Variants in DHRSX observed in about 807,000 individuals in gnomAD.
The protein encoded by DHRSX is dehydrogenase/reductase X-linked, also known as polyprenol dehydrogenase.
Under a neutral mutation model 34.0 loss-of-function variants are expected in DHRSX, and 31 were observed. That is an observed-to-expected ratio of 0.91 (90% CI 0.69 to 1.23). The LOEUF (loss-of-function observed/expected upper bound fraction) is 1.23, where lower values mean the gene tolerates loss of function less well. Ranked by LOEUF, DHRSX falls within the 50% of genes most tolerant of loss-of-function variation. DHRSX has a pLI of 0.00. For missense variants in DHRSX, 414 were observed against 428.1 expected (o/e 0.97, Z 0.29); for synonymous variants, 201 against 183.8 (o/e 1.09, Z -0.76).
intron 1 of DHRSX, among the ~76,000 whole-genome samples, chrX:2,453,883 GT>G (rs2044260657): frequency 6.6e-6 from 1 of 152,008 alleles, no homozygotes; most frequent in Admixed American, 6.6e-5. Context: ...TAGCTTGATT[GT>G]TAATATGTTA....
intron 1 of DHRSX, among the ~76,000 whole-genome samples, chrX:2,448,904 C>G (rs1322132770): frequency 6.6e-6 from 1 of 152,092 alleles, no homozygotes; most frequent in Non-Finnish European, 1.5e-5. Flanking sequence ...TGTATCCACA[C>G]TGGGCCGGGC....
chrX:2,297,918 G>T lies in DHRSX; in HGVS notation c.287-6315C>A, dbSNP rs180762599. On this transcript the variant is annotated intron_variant, in intron 3 of 6. Transcript: ENST00000334651. ...TTACAGGCACCCGCCACCACGCCCGGCTTATTTTTGTATTTTTAGTAAAGA... is the reference window on the plus strand; with the variant it reads ...TTACAGGCACCCGCCACCACGCCCGTCTTATTTTTGTATTTTTAGTAAAGA... 3.4e-3 allele frequency among the ~76,000 whole-genome samples: 512 copies of T among 151,980 alleles called. 3 individuals carry two copies. Among genetic ancestry groups the T allele is most frequent in the Middle Eastern group, 0.02 (6 of 294 alleles).
At position 2,258,996 on chromosome X, in the gene DHRSX, C is replaced by T. The variant is rs1469628563; in HGVS notation, c.596+7744G>A. Among the ~76,000 whole-genome samples the T allele has an allele frequency of 1.2e-4, 18 of 152,212 alleles. No individual in the cohort carries two copies. In the East Asian group the frequency reaches 2.7e-3, roughly 23 times the overall value. ...TCTCGAAAAAATAGGGGGAAGTGGC[C>T]GGGCGCAGTGGCTCACGCCTGTAAT... On this transcript the variant is annotated intron_variant, in intron 5 of 6. Transcript: ENST00000334651.
At chrX:2,284,186 CT>C (rs2041774246) in intron 4 of DHRSX, among the ~76,000 whole-genome samples, 1 of 127,572 alleles carries the variant, frequency 7.8e-6, no homozygotes, top group Non-Finnish European at 1.9e-5. Context: ...TCATACATTC[CT>C]TTCAATTCAT....
chrX:2,224,967 CATTCACATGCACACTA>C (rs2015613124), intron 6 of DHRSX, among the ~76,000 whole-genome samples: 1 of 149,590 alleles, frequency 6.7e-6, no homozygotes, highest in Admixed American at 6.7e-5. Flanking sequence ...CACATGCTCA[CATTCACATGCACACTA>C]ATTCACATGC....
At chrX:2,297,304 G>A (rs2041946175) in intron 3 of DHRSX, among the ~76,000 whole-genome samples, 1 of 152,138 alleles carries the variant, frequency 6.6e-6, no homozygotes, top group Non-Finnish European at 1.5e-5. Flanking sequence ...TGTAGTTGTT[G>A]TAGAGATCGG....
intron 1 of DHRSX, among the ~76,000 whole-genome samples, chrX:2,454,460 T>C (rs765353732): frequency 1.3e-5 from 2 of 151,444 alleles, no homozygotes; most frequent in Non-Finnish European, 2.9e-5. Flanking sequence ...CCGGGAGATG[T>C]TGGCTGCAGT....
intron 4 of DHRSX, among the ~76,000 whole-genome samples, chrX:2,285,139 G>A (rs2041789407): frequency 6.6e-6 from 1 of 152,144 alleles, no homozygotes; most frequent in Admixed American, 6.5e-5. Flanking sequence ...GGTGGAATGT[G>A]GGGATGGTTT....
At chrX:2,471,472 C>CAGA (rs60977388) in intron 1 of DHRSX, among the ~76,000 whole-genome samples, 31,721 of 151,404 alleles carry the variant, frequency 0.21, 4,491 homozygotes, top group African/African-American at 0.4. Flanking sequence ...GAGACTGAGG[C>CAGA]AGAATTGCTC....
chrX:2,385,081 G>A lies in DHRSX; in HGVS notation c.286+23664C>T, dbSNP rs142852787. 8.1e-3 allele frequency among the ~76,000 whole-genome samples: 1,222 copies of A among 151,158 alleles called. 33 individuals are homozygous for A. In the East Asian group the frequency reaches 0.094, roughly 12 times the overall value. ...TTGTGCCACTGCACTCCAGCCTGGCGACAGAGTGAGACTCCATCTCAAATA... is the reference window on the plus strand; with the variant it reads ...TTGTGCCACTGCACTCCAGCCTGGCAACAGAGTGAGACTCCATCTCAAATA... On this transcript the variant is annotated intron_variant, in intron 3 of 6. Coordinates refer to ENST00000334651, the MANE Select transcript of DHRSX (RefSeq NM_145177.3).
chrX:2,485,101 T>C (rs111778228), intron 1 of DHRSX, among the ~76,000 whole-genome samples: 294 of 152,280 alleles, frequency 1.9e-3, no homozygotes, highest in Non-Finnish European at 3.3e-3. Context: ...TGCAGCCAGA[T>C]GCAAGCGTGA....
At chrX:2,486,178 A>G (rs1392255291) in intron 1 of DHRSX, among the ~76,000 whole-genome samples, 1 of 152,092 alleles carries the variant, frequency 6.6e-6, no homozygotes, top group African/African-American at 2.4e-5. Flanking sequence ...GAACACTTTC[A>G]CCAGCTGCCG....
At chrX:2,335,747 T>TG (rs2042551521) in intron 3 of DHRSX, among the ~76,000 whole-genome samples, 1 of 150,866 alleles carries the variant, frequency 6.6e-6, no homozygotes, top group South Asian at 2.1e-4. Context: ...CCACCGCACC[T>TG]GGCCAGGAGT....
intron 1 of DHRSX, among the ~76,000 whole-genome samples, chrX:2,455,146 G>GAACCT (rs1159890020): frequency 5.9e-5 from 9 of 151,718 alleles, no homozygotes; most frequent in Non-Finnish European, 1.2e-4. Flanking sequence ...TCCTTTGCAG[G>GAACCT]AACCTGCATG....
At chrX:2,474,248 T>C (rs2044638416) in intron 1 of DHRSX, among the ~76,000 whole-genome samples, 1 of 151,420 alleles carries the variant, frequency 6.6e-6, no homozygotes, top group Admixed American at 6.6e-5. Flanking sequence ...ACTGAAGAGG[T>C]TCCCAAAGCA....
intron 1 of DHRSX, among the ~76,000 whole-genome samples, chrX:2,449,399 A>C (rs1226967968): frequency 1.9e-4 from 29 of 152,152 alleles, no homozygotes; most frequent in Admixed American, 1.3e-3. Context: ...GTGCACTGAG[A>C]CAGCTCCCCA....
At chrX:2,456,240 G>A (rs1336638850) in intron 1 of DHRSX, among the ~76,000 whole-genome samples, 1 of 152,106 alleles carries the variant, frequency 6.6e-6, no homozygotes, top group Non-Finnish European at 1.5e-5. Flanking sequence ...GGACAAAGTC[G>A]ACACCACATG....
chrX:2,378,427 AC>A (rs1271670283), intron 3 of DHRSX, among the ~76,000 whole-genome samples: 1 of 152,082 alleles, frequency 6.6e-6, no homozygotes, highest in African/African-American at 2.4e-5. Flanking sequence ...TGCCTCTGCC[AC>A]CCGAGACACC....
chrX:2,313,391 T>G (rs1340454756), intron 3 of DHRSX, among the ~76,000 whole-genome samples: 1 of 150,200 alleles, frequency 6.7e-6, no homozygotes, highest in Non-Finnish European at 1.5e-5. Context: ...ATTTTTGAGA[T>G]GTAGTCTCGC....
Sources: gnomAD v4.1 joint callset for allele counts (sites outside exome capture counted in the v4.1 genomes callset) on GRCh38, gnomAD v4.1.1 for gene constraint, MANE v1.5 for transcripts, NCBI Gene and HGNC (gene_info 2026-07-23, HGNC 2026-07-21) for gene names.